EIF2AK3: variants seen among roughly 807,000 people sequenced by gnomAD.
EIF2AK3 encodes the protein eukaryotic translation initiation factor 2-alpha kinase 3.
A neutral mutation model predicts 113.5 loss-of-function variants in EIF2AK3; 50 were observed. The ratio of observed to expected loss-of-function variants is 0.44; its 90% CI spans 0.35 to 0.56. The LOEUF (loss-of-function observed/expected upper bound fraction) is 0.56. Ranked by LOEUF, EIF2AK3 falls within the 20% of genes least tolerant of loss-of-function variation. The pLI is 0.00. For missense variants in EIF2AK3, 1,185 were observed against 1,378.0 expected (o/e 0.86, Z 2.22); for synonymous variants, 448 against 495.4 (o/e 0.90, Z 1.27).
chr2:88,564,579 C>T (rs1674055213), intron 14 of EIF2AK3, among the ~76,000 whole-genome samples: 2 of 152,072 alleles, frequency 1.3e-5, no homozygotes, highest in Admixed American at 6.6e-5. Flanking sequence ...ACACAGCAGC[C>T]ACAAGCCACA....
intron 2 of EIF2AK3, among the ~76,000 whole-genome samples, chr2:88,600,447 C>T (rs1425205184): frequency 6.6e-6 from 1 of 152,310 alleles, no homozygotes; most frequent in Non-Finnish European, 1.5e-5. Context: ...TGTTCTGATT[C>T]GCTGCTCTGC....
At chr2:88,566,686 G>A (rs562705746) in intron 14 of EIF2AK3, among the ~76,000 whole-genome samples, 2 of 152,242 alleles carry the variant, frequency 1.3e-5, no homozygotes, top group East Asian at 1.9e-4. Flanking sequence ...AGTGGCTCAC[G>A]CCTGTAATCC....
At chr2:88,577,428 T>A (rs1674489020) in intron 11 of EIF2AK3, among the ~76,000 whole-genome samples, 1 of 151,960 alleles carries the variant, frequency 6.6e-6, no homozygotes. Flanking sequence ...AATCCCAACT[T>A]CTTTGCTTGG....
At position 88,574,851 on chromosome 2, in the gene EIF2AK3, T is replaced by C; in HGVS notation, c.2632A>G (p.Ser878Gly). 2 of 1,614,220 alleles carry C rather than the reference T, an allele frequency of 1.2e-6. No homozygotes were observed. The highest frequency in any genetic ancestry group is 1.7e-6 in the Non-Finnish European group (2 of 1,180,020). ...TKNTTEKLQPSSPKVYLYIQM... is the reference protein window; with the variant it reads ...TKNTTEKLQPGSPKVYLYIQM... ...ATGTAAAGATACACCTTTGGTGAAC[T>C]GGGCTGGAGTTTTTCTGTGGTGTTT... Residue 878 changes from serine (S) to glycine (G), a missense_variant, in exon 13 of 17, where the codon AGT (serine) becomes GGT (glycine). Physicochemically the swap from Ser to Gly is moderately conservative, Grantham distance 56 (BLOSUM62 0). Around this residue, in one of 3 missense-constraint regions of EIF2AK3, gnomAD observed 877 missense variants for 1,024.2 expected, o/e 0.86. Coordinates refer to ENST00000303236, the MANE Select transcript of EIF2AK3 (RefSeq NM_004836.7).
chr2:88,559,695 A>ATTTCTGAATATTTCT (rs2104381707), intron 15 of EIF2AK3, among the ~76,000 whole-genome samples: 1 of 152,326 alleles, frequency 6.6e-6, no homozygotes, highest in East Asian at 1.9e-4. Context: ...AATATTTCAT[A>ATTTCTGAATATTTCT]AAAACTGAAT....
chr2:88,627,294 C>T lies in EIF2AK3; in HGVS notation c.-20G>A. The stretch of plus-strand genomic sequence containing the variant: ...CTCCATCAGCGTCCCGCCCCGCGCG[C>T]AGGCATGGAGGCGCAGCCACTGACG... On this transcript the variant is annotated 5_prime_UTR_variant, in exon 1 of 17. Coordinates refer to ENST00000303236, the MANE Select transcript of EIF2AK3 (RefSeq NM_004836.7). 6.8e-7 allele frequency: 1 copy of T among 1,480,978 alleles called. No homozygotes were observed. The allele number at this position is 1,480,978 out of a possible 1,614,324, so 91.7% of individuals were successfully genotyped here.
chr2:88,565,255 C>T (rs964823589), intron 14 of EIF2AK3, among the ~76,000 whole-genome samples: 4 of 151,618 alleles, frequency 2.6e-5, no homozygotes, highest in African/African-American at 9.7e-5. Context: ...AGGCTGGTCT[C>T]GAACTCCTGA....
chr2:88,570,779 G>A (rs1674284416), intron 14 of EIF2AK3, 95 bp downstream of exon 14: 1 of 1,502,716 alleles, frequency 6.7e-7, no homozygotes, highest in Non-Finnish European at 9.3e-7. Context: ...GACTTACTGG[G>A]TTTTAGATTA....
At chr2:88,598,406 C>T (rs1257805946) in intron 2 of EIF2AK3, among the ~76,000 whole-genome samples, 1 of 152,026 alleles carries the variant, frequency 6.6e-6, no homozygotes, top group Non-Finnish European at 1.5e-5. Flanking sequence ...GGAGATAATA[C>T]CTTGATTGGA....
intron 13 of EIF2AK3, among the ~76,000 whole-genome samples, chr2:88,571,716 G>T (rs1674314772): frequency 6.6e-6 from 1 of 152,186 alleles, no homozygotes; most frequent in South Asian, 2.1e-4. Context: ...GAAACAGACT[G>T]ATCTTTTGGT....
intron 1 of EIF2AK3, 45 bp from the exon 2 acceptor site, chr2:88,613,898 T>C (rs1246950502): frequency 3.9e-6 from 6 of 1,545,788 alleles, no homozygotes; most frequent in Non-Finnish European, 5.3e-6. Context: ...ATATCTAAGA[T>C]ATTGGGCACT....
Position 88,627,207 on chromosome 2 carries a change from A to C in EIF2AK3, c.68T>G (p.Leu23Arg), listed in dbSNP as rs886056418. 42 of 1,408,032 alleles carry C rather than the reference A, an allele frequency of 3.0e-5. No homozygotes were observed. Among genetic ancestry groups the C allele is most frequent in the Non-Finnish European group, 3.7e-5 (41 of 1,095,604 alleles). The allele number at this position is 1,408,032 out of a possible 1,614,324, so 87.2% of individuals were successfully genotyped here. A position where few individuals can be genotyped will look rare whatever the true frequency, so the allele number is the denominator to read the frequency against. Reference protein sequence around the residue: ...ALLLLLLLLGLAARTVAAGRA... With the variant: ...ALLLLLLLLGRAARTVAAGRA... The stretch of plus-strand genomic sequence containing the variant: ...CCCCGCGGCCACCGTCCTTGCCGCG[A>C]GCCCCAGCAGCAGCAGCAGCAGCAG... Residue 23 changes from leucine (L) to arginine (R), a missense_variant, in exon 1 of 17, where the codon CTC (leucine) becomes CGC (arginine). By Grantham distance (102) the Leu-to-Arg change is moderately radical (BLOSUM62 -2). Around this residue, in one of 3 missense-constraint regions of EIF2AK3, gnomAD observed 189 missense variants for 175.2 expected, o/e 1.08. Coordinates refer to ENST00000303236, the MANE Select transcript of EIF2AK3 (RefSeq NM_004836.7).
rs1276515547 is a variant in EIF2AK3 at position 88,590,861 on chromosome 2, A to G, written c.959T>C (p.Met320Thr). 6.8e-6 allele frequency: 11 copies of G among 1,613,980 alleles called. No homozygotes were observed. In the Admixed American group the frequency reaches 8.3e-5, roughly 12 times the overall value. ...ATGTCCTCCCTTCTTACTGAATGCC[A>G]TAACTTTCCAGTCAGCAACCGAAAC... ...IKVSVADWKV[M>T]AFSKKGGHLE... Residue 320 changes from methionine to threonine, a missense_variant, in exon 5 of 17, where the codon ATG becomes ACG. Met to Thr is a moderately conservative substitution (Grantham distance 81). This residue lies in a region of EIF2AK3 where 877 missense variants were observed against 1,024.2 expected (regional missense o/e 0.86). Transcript: ENST00000303236.
chr2:88,588,076 T>C lies in EIF2AK3; in HGVS notation c.1335A>G (p.Val445=). 6.5e-7 allele frequency: 1 copy of C among 1,527,844 alleles called. No homozygotes were observed. 94.6% of individuals were successfully genotyped at this position (1,527,844 alleles called of 1,614,324 possible). ...IHSPSRTPVL[V]GSDEFDKCLS... is the part of the protein sequence containing the mutation. ...GACATTTGTCAAATTCATCAGATCC[T>C]ACCAAGACAGGAGTTCTGGAAGGAG... is the stretch of plus-strand genomic sequence containing the variant. The change falls in exon 8 of 17, where the codon GTA becomes GTG. Residue 445 remains valine (V), a synonymous_variant. Coordinates refer to ENST00000303236, the MANE Select transcript of EIF2AK3 (RefSeq NM_004836.7).
intron 11 of EIF2AK3, among the ~76,000 whole-genome samples, chr2:88,578,659 G>A (rs1287327157): frequency 1.3e-5 from 2 of 151,024 alleles, no homozygotes. Context: ...TCCAGCCTGG[G>A]TGACGGTGCA....
At chr2:88,585,236 G>A (rs1047013084) in intron 9 of EIF2AK3, among the ~76,000 whole-genome samples, 4 of 152,080 alleles carry the variant, frequency 2.6e-5, no homozygotes, top group Admixed American at 6.6e-5. Context: ...TGATAAGGGA[G>A]AGCAAAATGA....
intron 15 of EIF2AK3, among the ~76,000 whole-genome samples, chr2:88,559,446 A>G (rs920091016): frequency 2.6e-5 from 4 of 151,898 alleles, no homozygotes; most frequent in Non-Finnish European, 5.9e-5. Flanking sequence ...AAGGGACTTG[A>G]GCATCTGCAG....
At chr2:88,610,129 C>CA (rs1212812232) in intron 2 of EIF2AK3, among the ~76,000 whole-genome samples, 2 of 151,418 alleles carry the variant, frequency 1.3e-5, no homozygotes, top group Non-Finnish European at 3.0e-5. Context: ...CTCTAAAAGA[C>CA]AAAAAACAAA....
rs779799076 is a variant in EIF2AK3 at position 88,595,609 on chromosome 2, C to T, written c.493G>A (p.Asp165Asn). 2.5e-6 allele frequency: 4 copies of T among 1,613,978 alleles called. No homozygotes were observed. The highest frequency in any genetic ancestry group is 1.7e-5 in the Admixed American group (1 of 60,014). ...GTTTCCATGCTTTCACGGTCTTGGT[C>T]CCACTGGAAGAGGGCTCCATCCAGG... Reference protein sequence around the residue: ...PSLDGALFQWDQDRESMETVP... With the variant: ...PSLDGALFQWNQDRESMETVP... Residue 165 changes from aspartate to asparagine, a missense_variant, in exon 3 of 17, where the codon GAC (aspartate) becomes AAC (asparagine). Physicochemically the swap from Asp to Asn is conservative, Grantham distance 23. Around this residue, in one of 3 missense-constraint regions of EIF2AK3, gnomAD observed 119 missense variants for 178.7 expected, o/e 0.67. Coordinates refer to ENST00000303236, the MANE Select transcript of EIF2AK3 (RefSeq NM_004836.7).
Sources: allele counts gnomAD v4.1 joint callset (sites outside exome capture counted in the v4.1 genomes callset), GRCh38; gene constraint gnomAD v4.1.1; regional missense constraint gnomAD v4.1.1; transcripts MANE v1.5; gene names NCBI Gene and HGNC (gene_info 2026-07-23, HGNC 2026-07-21).